MAGI3: variants seen among roughly 807,000 people sequenced by gnomAD.
The protein encoded by MAGI3 is membrane-associated guanylate kinase, WW and PDZ domain-containing protein 3.
In MAGI3, 43 loss-of-function variants were observed where a neutral mutation model predicts 121.8. That is an observed-to-expected ratio of 0.35 (90% confidence interval 0.28 to 0.46). MAGI3 has a LOEUF of 0.46. Ranked by LOEUF, MAGI3 falls within the 20% of genes least tolerant of loss-of-function variation. The probability of loss-of-function intolerance (pLI) is 1.00; values close to 1 mark genes in which losing one functional copy is unlikely to be tolerated. For synonymous variants in MAGI3, 553 were observed against 639.3 expected, an observed-to-expected ratio of 0.86 and a Z score of 2.04; for missense variants, 1,547 against 1,797.3, an observed-to-expected ratio of 0.86 and a Z score of 2.52.
At chr1:113,573,755 TTC>T (rs1280004909) in intron 2 of MAGI3, among the ~76,000 whole-genome samples, 1 of 152,204 alleles carries the variant, frequency 6.6e-6, no homozygotes, top group Non-Finnish European at 1.5e-5. Flanking sequence ...CTTGTTAATT[TTC>T]TGTCTTGTTG....
intron 2 of MAGI3, among the ~76,000 whole-genome samples, chr1:113,577,436 C>A (rs1204913341): frequency 6.6e-6 from 1 of 150,810 alleles, no homozygotes; most frequent in East Asian, 2.0e-4. Context: ...CTCTTCGGAG[C>A]AATTTTTATG....
At chr1:113,615,426 C>T (rs1650399350) in intron 7 of MAGI3, among the ~76,000 whole-genome samples, 1 of 152,082 alleles carries the variant, frequency 6.6e-6, no homozygotes, top group Admixed American at 6.5e-5. Context: ...AAACCTGCTG[C>T]CTAGGTAGCA....
At chr1:113,668,464 G>A (rs1041387874) in intron 16 of MAGI3, among the ~76,000 whole-genome samples, 3 of 151,220 alleles carry the variant, frequency 2.0e-5, no homozygotes, top group African/African-American at 7.3e-5. Context: ...AAAAAATGGA[G>A]AAGCCATGTA....
intron 6 of MAGI3, among the ~76,000 whole-genome samples, chr1:113,598,428 C>G (rs1649156720): frequency 6.6e-6 from 1 of 152,026 alleles, no homozygotes; most frequent in Admixed American, 6.6e-5. Context: ...CTGCTGTCTT[C>G]AAGAGATTCA....
At chr1:113,674,267 C>G (rs974960540) in intron 19 of MAGI3, among the ~76,000 whole-genome samples, 1 of 152,032 alleles carries the variant, frequency 6.6e-6, no homozygotes, top group African/African-American at 2.4e-5. Context: ...TGGTGCATGC[C>G]TGTAATCCCA....
At chr1:113,681,360 G>C (rs1463147636) in intron 20 of MAGI3, 24 bp downstream of exon 20, 1 of 1,607,002 alleles carries the variant, frequency 6.2e-7, no homozygotes, top group Non-Finnish European at 8.5e-7. Context: ...CCCACTAGTA[G>C]CTGAAAAGTT....
At chr1:113,475,069 A>ATTT (rs1655745577) in intron 1 of MAGI3, among the ~76,000 whole-genome samples, 2 of 152,106 alleles carry the variant, frequency 1.3e-5, no homozygotes, top group Non-Finnish European at 2.9e-5. Flanking sequence ...AATGCTTGTG[A>ATTT]TTTTTGCACA....
chr1:113,524,442 C>T (rs746218003), intron 1 of MAGI3, among the ~76,000 whole-genome samples: 5 of 152,126 alleles, frequency 3.3e-5, no homozygotes, highest in Admixed American at 6.5e-5. Flanking sequence ...AGGGACAGAG[C>T]TGCCCAAGAC....
At chr1:113,583,018 CA>C (rs1648132524) in intron 3 of MAGI3, among the ~76,000 whole-genome samples, 1 of 151,494 alleles carries the variant, frequency 6.6e-6, no homozygotes, top group African/African-American at 2.4e-5. Context: ...AGCTCTAAAA[CA>C]ATGAAAATCT....
intron 1 of MAGI3, among the ~76,000 whole-genome samples, chr1:113,513,417 A>G (rs1189349288): frequency 6.6e-6 from 1 of 152,220 alleles, no homozygotes; most frequent in Non-Finnish European, 1.5e-5. Context: ...TGGTACTGGT[A>G]CCAAAACAAA....
chr1:113,652,569 G>A (rs781440369), intron 14 of MAGI3, among the ~76,000 whole-genome samples: 1 of 151,890 alleles, frequency 6.6e-6, no homozygotes. Context: ...TACAACCTAC[G>A]CTCTTCCCTG....
chr1:113,583,324 A>AT (rs58776075), intron 3 of MAGI3, among the ~76,000 whole-genome samples: 23 of 150,956 alleles, frequency 1.5e-4, no homozygotes, highest in South Asian at 4.2e-4. Context: ...AACAATGCTA[A>AT]TTTTTTTTTA....
At chr1:113,682,176 TC>T (rs774505656) in intron 20 of MAGI3, 1 of 1,570,944 alleles carries the variant, frequency 6.4e-7, no homozygotes, top group Non-Finnish European at 8.6e-7. Context: ...TTTTTTTTTT[TC>T]ACATAGTCCT....
chr1:113,446,594 G>A (rs1654190389), intron 1 of MAGI3, among the ~76,000 whole-genome samples: 1 of 152,190 alleles, frequency 6.6e-6, no homozygotes, highest in African/African-American at 2.4e-5. Context: ...TGGCAGAATG[G>A]ATTAGAAAAA....
intron 1 of MAGI3, among the ~76,000 whole-genome samples, chr1:113,504,519 C>T (rs567270146): frequency 2.1e-3 from 325 of 152,184 alleles, no homozygotes; most frequent in Non-Finnish European, 3.7e-3. Context: ...TATCATTTTA[C>T]ATGCATAAGG....
intron 14 of MAGI3, among the ~76,000 whole-genome samples, chr1:113,653,092 G>T (rs1297030500): frequency 6.6e-6 from 1 of 152,160 alleles, no homozygotes; most frequent in Non-Finnish European, 1.5e-5. Context: ...TCCTGTACAG[G>T]TAGCAAACTG....
intron 16 of MAGI3, among the ~76,000 whole-genome samples, chr1:113,662,660 G>A (rs763988808): frequency 1.2e-4 from 18 of 151,970 alleles, no homozygotes; most frequent in Non-Finnish European, 2.5e-4. Context: ...TGCTCCCATT[G>A]GCAAGCATTC....
At chr1:113,629,566 G>C (rs1165609296) in intron 9 of MAGI3, among the ~76,000 whole-genome samples, 2 of 152,068 alleles carry the variant, frequency 1.3e-5, no homozygotes, top group East Asian at 3.9e-4. Context: ...GCCCATCCTT[G>C]GGAAGGCTTT....
chr1:113,589,749 T>C (rs531894269), intron 4 of MAGI3, among the ~76,000 whole-genome samples: 1 of 152,192 alleles, frequency 6.6e-6, no homozygotes, highest in South Asian at 2.1e-4. Context: ...TAGCATCGTT[T>C]AAGTTTTAGA....
Sources: gnomAD v4.1 joint callset for allele counts (sites outside exome capture counted in the v4.1 genomes callset) on GRCh38, gnomAD v4.1.1 for gene constraint, MANE v1.5 for transcripts, NCBI Gene and HGNC (gene_info 2026-07-23, HGNC 2026-07-21) for gene names.